Variants in CDH18 observed in about 807,000 individuals in gnomAD.
CDH18 encodes the protein cadherin-18.
A neutral mutation model predicts 67.9 loss-of-function variants in CDH18; 31 were observed. That is an observed-to-expected ratio of 0.46 (90% CI 0.34 to 0.62). The LOEUF (loss-of-function observed/expected upper bound fraction) is 0.62, where lower values mean the gene tolerates loss of function less well. CDH18 is among the 20% of genes least tolerant of loss of function. The probability of loss-of-function intolerance (pLI) is 0.01; values close to 1 mark genes in which losing one functional copy is unlikely to be tolerated. For missense variants in CDH18, 890 were observed against 975.5 expected, an observed-to-expected ratio of 0.91 and a Z score of 1.17; for synonymous variants, 362 against 347.2, an observed-to-expected ratio of 1.04 and a Z score of -0.48.
At chr5:19,613,503 A>C (rs955155366) in intron 5 of CDH18, among the ~76,000 whole-genome samples, 19 of 152,294 alleles carry the variant, frequency 1.2e-4, no homozygotes, top group African/African-American at 4.6e-4. Flanking sequence ...AGAAACTGAT[A>C]AGGTTTATTC....
At chr5:20,543,108 T>C (rs1424399596) in intron 1 of CDH18, among the ~76,000 whole-genome samples, 1 of 152,124 alleles carries the variant, frequency 6.6e-6, no homozygotes, top group Non-Finnish European at 1.5e-5. Flanking sequence ...TAATTTAAAA[T>C]AATTGCAAAA....
intron 2 of CDH18, among the ~76,000 whole-genome samples, chr5:20,112,316 A>C (rs1195262503): frequency 6.6e-6 from 1 of 152,208 alleles, no homozygotes; most frequent in Non-Finnish European, 1.5e-5. Context: ...TCATGACAGA[A>C]ACATATTTCT....
intron 1 of CDH18, among the ~76,000 whole-genome samples, chr5:20,273,788 A>G (rs1745609437): frequency 6.6e-6 from 1 of 152,166 alleles, no homozygotes; most frequent in African/African-American, 2.4e-5. Context: ...TAGCAATAAC[A>G]TCAAACCTAT....
At chr5:19,932,595 C>T (rs1053235007) in intron 2 of CDH18, among the ~76,000 whole-genome samples, 2 of 151,692 alleles carry the variant, frequency 1.3e-5, no homozygotes, top group African/African-American at 4.8e-5. Context: ...TTACAAGCAT[C>T]ACCTTTTCCC....
At chr5:20,065,725 A>G (rs1742923786) in intron 2 of CDH18, among the ~76,000 whole-genome samples, 1 of 152,050 alleles carries the variant, frequency 6.6e-6, no homozygotes, top group African/African-American at 2.4e-5. Context: ...TGCTGTACTG[A>G]AGGTGAAAAA....
intron 2 of CDH18, among the ~76,000 whole-genome samples, chr5:20,192,145 C>A (rs545138244): frequency 1.4e-4 from 21 of 150,848 alleles, no homozygotes; most frequent in Admixed American, 2.6e-4. Context: ...TTCTTGGTCG[C>A]ATAAATGTCT....
chr5:19,958,180 T>C (rs1446990587), intron 2 of CDH18, among the ~76,000 whole-genome samples: 3 of 151,712 alleles, frequency 2.0e-5, no homozygotes, highest in African/African-American at 7.3e-5. Flanking sequence ...CTTATGTTGA[T>C]AATGGTAGAG....
intron 3 of CDH18, among the ~76,000 whole-genome samples, chr5:19,768,995 G>A (rs1200858072): frequency 6.6e-6 from 1 of 151,910 alleles, no homozygotes; most frequent in Non-Finnish European, 1.5e-5. Context: ...ACATTGACAA[G>A]AGGTCAATTG....
At chr5:19,995,486 G>A (rs948431652) in intron 2 of CDH18, among the ~76,000 whole-genome samples, 5 of 151,224 alleles carry the variant, frequency 3.3e-5, no homozygotes, top group African/African-American at 9.7e-5. Context: ...CAAGCCATAC[G>A]TTGACCACTC....
At chr5:19,955,252 G>A (rs184624426) in intron 2 of CDH18, among the ~76,000 whole-genome samples, 5 of 151,982 alleles carry the variant, frequency 3.3e-5, no homozygotes, top group Admixed American at 6.6e-5. Context: ...ACCCAGTCTC[G>A]TGCACATCTT....
Position 20,469,941 on chromosome 5 carries a change from G to A in CDH18, c.-580+105521C>T, listed in dbSNP as rs115089666. Among the ~76,000 whole-genome samples, 438 of 152,110 alleles carry A rather than the reference G, an allele frequency of 2.9e-3. 1 individual carries two copies. The highest frequency in any genetic ancestry group is 3.8e-3 in the Non-Finnish European group (258 of 67,972). On this transcript the variant is annotated intron_variant, in intron 1 of 14. Transcript: ENST00000507958. ...GCCTCTCAGTTTCCTGAACTACTGTGGACTTGTCTTGCAAACTCCTCCAGA... is the reference window on the plus strand; with the variant it reads ...GCCTCTCAGTTTCCTGAACTACTGTAGACTTGTCTTGCAAACTCCTCCAGA...
At chr5:19,660,891 G>T (rs1186530918) in intron 5 of CDH18, among the ~76,000 whole-genome samples, 1 of 151,888 alleles carries the variant, frequency 6.6e-6, no homozygotes, top group African/African-American at 2.4e-5. Flanking sequence ...GCACTGTGAG[G>T]CAAGAGATGG....
intron 2 of CDH18, among the ~76,000 whole-genome samples, chr5:20,212,174 G>A (rs943274338): frequency 5.9e-5 from 9 of 151,968 alleles, no homozygotes; most frequent in African/African-American, 2.2e-4. Context: ...TGGAAGAAAG[G>A]GTATCAGTGA....
At chr5:19,634,880 T>C (rs1752913243) in intron 5 of CDH18, among the ~76,000 whole-genome samples, 1 of 146,536 alleles carries the variant, frequency 6.8e-6, no homozygotes, top group Non-Finnish European at 1.5e-5. Context: ...GAGGTTGCAA[T>C]GAGCAGAGAT....
chr5:20,258,279 T>C (rs1030162882), intron 1 of CDH18, among the ~76,000 whole-genome samples: 10 of 152,092 alleles, frequency 6.6e-5, no homozygotes, highest in Admixed American at 3.9e-4. Flanking sequence ...AAAAAAAATA[T>C]GTAGAAAATG....
intron 1 of CDH18, among the ~76,000 whole-genome samples, chr5:20,269,472 AAT>A (rs1745279324): frequency 1.3e-5 from 2 of 152,178 alleles, no homozygotes; most frequent in South Asian, 4.1e-4. Flanking sequence ...AATAAATAAA[AAT>A]ATCCATCAGT....
chr5:19,955,281 G>C (rs1184678249), intron 2 of CDH18, among the ~76,000 whole-genome samples: 2 of 151,994 alleles, frequency 1.3e-5, no homozygotes. Flanking sequence ...GTGTAAGAAA[G>C]ACTAATACAG....
chr5:20,208,724 A>T (rs778743877), intron 2 of CDH18, among the ~76,000 whole-genome samples: 1 of 152,136 alleles, frequency 6.6e-6, no homozygotes, highest in Non-Finnish European at 1.5e-5. Context: ...GACAAATGGG[A>T]TTACATCATG....
intron 1 of CDH18, among the ~76,000 whole-genome samples, chr5:20,285,082 A>G (rs1323899464): frequency 6.6e-6 from 1 of 151,774 alleles, no homozygotes; most frequent in Non-Finnish European, 1.5e-5. Context: ...TCATAAATAA[A>G]GAGTATATTG....
Sources: gnomAD v4.1 joint callset for allele counts (sites outside exome capture counted in the v4.1 genomes callset) on GRCh38, gnomAD v4.1.1 for gene constraint, MANE v1.5 for transcripts, NCBI Gene and HGNC (gene_info 2026-07-23, HGNC 2026-07-21) for gene names.